Variants in SIPA1L1 observed in about 807,000 individuals in gnomAD.
SIPA1L1 encodes signal induced proliferation associated 1 like 1.
In SIPA1L1, 26 loss-of-function variants were observed where a neutral mutation model predicts 162.7. That is an observed-to-expected ratio of 0.16 (90% CI 0.12 to 0.22). The LOEUF is 0.22. Ranked by LOEUF, SIPA1L1 falls within the 10% of genes least tolerant of loss-of-function variation. The pLI is 1.00. For missense variants in SIPA1L1, 1,874 were observed against 2,241.0 expected, an observed-to-expected ratio of 0.84 and a Z score of 3.31; for synonymous variants, 829 against 837.4, an observed-to-expected ratio of 0.99 and a Z score of 0.17.
intron 18 of SIPA1L1, among the ~76,000 whole-genome samples, chr14:71,724,140 G>C (rs868444903): frequency 9.2e-5 from 14 of 152,160 alleles, no homozygotes; most frequent in African/African-American, 3.4e-4. Flanking sequence ...TGTGTTTGAA[G>C]GATACACTTC....
chr14:71,531,426 A>G (rs1397762178), intron 4 of SIPA1L1, among the ~76,000 whole-genome samples: 2 of 151,988 alleles, frequency 1.3e-5, no homozygotes, highest in Non-Finnish European at 2.9e-5. Flanking sequence ...AGTACTGTGT[A>G]TCAGTCATCT....
chr14:71,554,595 T>C (rs1209102407), intron 4 of SIPA1L1, among the ~76,000 whole-genome samples: 1 of 152,234 alleles, frequency 6.6e-6, no homozygotes, highest in Non-Finnish European at 1.5e-5. Flanking sequence ...GTTGTTGTTG[T>C]TGTTAACTTC....
At chr14:71,734,819 TG>T in intron 21 of SIPA1L1, among the ~76,000 whole-genome samples, 1 of 152,364 alleles carries the variant, frequency 6.6e-6, no homozygotes. Context: ...AATTTTAACT[TG>T]GTATGTTTTG....
intron 8 of SIPA1L1, among the ~76,000 whole-genome samples, chr14:71,656,334 A>G (rs553064576): frequency 6.9e-4 from 55 of 80,186 alleles, no homozygotes; most frequent in African/African-American, 3.3e-3. Flanking sequence ...AATACCAATG[A>G]CATTTTTTTT....
At chr14:71,615,910 C>A (rs1007117598) in intron 5 of SIPA1L1, among the ~76,000 whole-genome samples, 21 of 152,176 alleles carry the variant, frequency 1.4e-4, no homozygotes, top group African/African-American at 5.1e-4. Context: ...GCAAGAGAAT[C>A]GCTTGAACCC....
chr14:71,674,579 T>G (rs1486514314), intron 12 of SIPA1L1, among the ~76,000 whole-genome samples: 1 of 150,584 alleles, frequency 6.6e-6, no homozygotes, highest in African/African-American at 2.4e-5. Context: ...TGTTTTTTTT[T>G]TTTTAGACGG....
chr14:71,372,684 C>T lies in SIPA1L1; in HGVS notation c.-465+51503C>T, dbSNP rs984771353. On this transcript the variant is annotated intron_variant, in intron 2 of 23. Coordinates refer to ENST00000381232, the MANE Select transcript of SIPA1L1 (RefSeq NM_001386936.1). ...AAGTCCATTCAAGCAGTAGTTGAAC[C>T]GAGGTTAAGTGGTATTATGGTTGTT... is the stretch of plus-strand genomic sequence containing the variant. Among the ~76,000 whole-genome samples the T allele has an allele frequency of 3.3e-5, 5 of 151,960 alleles. No individual in the cohort carries two copies. The South Asian group carries it at 6.2e-4, about 19-fold the overall frequency.
chr14:71,601,885 A>G (rs2036803675), intron 5 of SIPA1L1, among the ~76,000 whole-genome samples: 1 of 149,648 alleles, frequency 6.7e-6, no homozygotes, highest in Non-Finnish European at 1.5e-5. Flanking sequence ...GATCTTTTGT[A>G]TTTTTGTAGT....
chr14:71,365,048 A>AT (rs113744438), intron 2 of SIPA1L1, among the ~76,000 whole-genome samples: 24 of 147,628 alleles, frequency 1.6e-4, no homozygotes, highest in Middle Eastern at 3.6e-3. Context: ...TGCTAGGCCA[A>AT]TTTTTTTTTT....
At chr14:71,703,119 T>C (rs1368762136) in intron 15 of SIPA1L1, among the ~76,000 whole-genome samples, 1 of 152,194 alleles carries the variant, frequency 6.6e-6, no homozygotes, top group Non-Finnish European at 1.5e-5. Context: ...ACCATAACAC[T>C]AGTTGATACA....
intron 2 of SIPA1L1, among the ~76,000 whole-genome samples, chr14:71,409,084 C>A (rs1440692753): frequency 2.0e-5 from 3 of 152,206 alleles, no homozygotes; most frequent in Non-Finnish European, 4.4e-5. Context: ...ATAACACTGT[C>A]CTGAACTTCA....
chr14:71,346,477 C>G (rs929770102), intron 2 of SIPA1L1, among the ~76,000 whole-genome samples: 2 of 152,076 alleles, frequency 1.3e-5, no homozygotes, highest in South Asian at 4.1e-4. Context: ...AGAAAGGTGT[C>G]TCATGAAGCT....
At chr14:71,724,938 C>A in intron 19 of SIPA1L1, 103 bp downstream of exon 19, 1 of 1,017,868 alleles carries the variant, frequency 9.8e-7, no homozygotes. Flanking sequence ...TTACTGGCTG[C>A]TCTTCACTAA....
rs368945360 is a variant in SIPA1L1, at chr14:71,562,498, A to G, written c.-302-25073A>G. On this transcript the variant is annotated intron_variant, in intron 4 of 23. Transcript: ENST00000381232. Reference sequence around the variant, plus strand: ...CCTAAAACTTCATTTGTGTACATCAATAATGTATCCAAAGTTGCTATTAAA... The same window carrying G: ...CCTAAAACTTCATTTGTGTACATCAGTAATGTATCCAAAGTTGCTATTAAA... Among the ~76,000 whole-genome samples the G allele has an allele frequency of 9.8e-5, 15 of 152,338 alleles. No individual in the cohort carries two copies. In the East Asian group the frequency reaches 1.7e-3, roughly 18 times the overall value.
At chr14:71,351,432 G>A (rs559765403) in intron 2 of SIPA1L1, among the ~76,000 whole-genome samples, 7 of 152,258 alleles carry the variant, frequency 4.6e-5, no homozygotes, top group Admixed American at 2.0e-4. Flanking sequence ...TTATGTTTAT[G>A]TGAAGGAAAA....
chr14:71,386,988 C>T (rs890298782), intron 2 of SIPA1L1, among the ~76,000 whole-genome samples: 4 of 152,136 alleles, frequency 2.6e-5, no homozygotes, highest in African/African-American at 4.8e-5. Flanking sequence ...GTGGCTCACG[C>T]CTGTAATCCC....
chr14:71,720,199 G>A (rs1279203764), intron 17 of SIPA1L1, among the ~76,000 whole-genome samples: 1 of 152,066 alleles, frequency 6.6e-6, no homozygotes, highest in African/African-American at 2.4e-5. Context: ...TCCAGGTTTG[G>A]AAATGTTCAT....
chr14:71,468,008 GTGTGTGT>G (rs1567063485), intron 2 of SIPA1L1, among the ~76,000 whole-genome samples: 60 of 51,540 alleles, frequency 1.2e-3, no homozygotes, highest in Admixed American at 3.2e-3. Flanking sequence ...TTAGAGGGGT[GTGTGTGT>G]GTGTGTGTGT....
chr14:71,722,151 A>G (rs994723779), intron 17 of SIPA1L1, among the ~76,000 whole-genome samples: 2 of 152,214 alleles, frequency 1.3e-5, no homozygotes, highest in Admixed American at 1.3e-4. Flanking sequence ...TAGGCGATGC[A>G]GGACCATCTT....
Sources: gnomAD v4.1 joint callset for allele counts (sites outside exome capture counted in the v4.1 genomes callset) on GRCh38, gnomAD v4.1.1 for gene constraint, MANE v1.5 for transcripts, NCBI Gene and HGNC (gene_info 2026-07-23, HGNC 2026-07-21) for gene names.